The following MTUS1 variants were observed in gnomAD, a reference collection of about 807,000 sequenced individuals.
MTUS1 encodes the protein microtubule-associated tumor suppressor 1.
In MTUS1, 109 loss-of-function variants were observed where a neutral mutation model predicts 120.8. The observed-to-expected ratio is 0.90, with a 90% CI of 0.77 to 1.06. MTUS1 has a LOEUF of 1.06. Ranked by LOEUF, MTUS1 falls within the 50% of genes least tolerant of loss-of-function variation. MTUS1 has a pLI of 0.00. For synonymous variants in MTUS1, 737 were observed against 550.5 expected (o/e 1.34, Z -4.74); for missense variants, 2,210 against 1,486.3 (o/e 1.49, Z -8.01).
chr8:17,784,203 A>G (rs10107122), intron 1 of MTUS1, among the ~76,000 whole-genome samples: 107,233 of 151,624 alleles, frequency 0.71, 39,934 homozygotes, highest in Non-Finnish European at 0.85. Context: ...CTGAATCCAC[A>G]TTTACAGTTG....
intron 8 of MTUS1, among the ~76,000 whole-genome samples, chr8:17,671,073 G>A (rs1811919299): frequency 6.6e-6 from 1 of 152,024 alleles, no homozygotes; most frequent in South Asian, 2.1e-4. Flanking sequence ...TAGGTTTTAG[G>A]AGTATATGTC....
At chr8:17,763,097 T>C (rs1255484263) in intron 1 of MTUS1, among the ~76,000 whole-genome samples, 2 of 151,854 alleles carry the variant, frequency 1.3e-5, no homozygotes, top group African/African-American at 2.4e-5. Context: ...GTTCAAACAA[T>C]TCTCTGCCTC....
At chr8:17,667,659 C>A (rs1040873786) in intron 8 of MTUS1, among the ~76,000 whole-genome samples, 1 of 152,164 alleles carries the variant, frequency 6.6e-6, no homozygotes, top group South Asian at 2.1e-4. Context: ...TGCAAACGAG[C>A]GTTTATTTCA....
intron 3 of MTUS1, 123 bp from the exon 4 acceptor site, chr8:17,723,956 C>G: frequency 1.3e-6 from 1 of 743,674 alleles, no homozygotes; most frequent in South Asian, 1.9e-5. Context: ...TGAATGTTCA[C>G]AATCATGTAA....
chr8:17,727,026 C>G (rs938432945), intron 3 of MTUS1, among the ~76,000 whole-genome samples: 1 of 152,278 alleles, frequency 6.6e-6, no homozygotes, highest in South Asian at 2.1e-4. Flanking sequence ...CACAGCTGCA[C>G]TAGAGGAAAG....
intron 3 of MTUS1, 111 bp from the exon 4 acceptor site, chr8:17,723,944 A>G (rs1018576170): frequency 1.2e-6 from 1 of 804,166 alleles, no homozygotes; most frequent in Non-Finnish European, 2.0e-6. Flanking sequence ...CAAAACACAA[A>G]ATGAATGTTC....
intron 8 of MTUS1, among the ~76,000 whole-genome samples, chr8:17,659,614 C>A (rs1809230359): frequency 6.6e-6 from 1 of 152,146 alleles, no homozygotes; most frequent in African/African-American, 2.4e-5. Flanking sequence ...AGGAGAATCG[C>A]TTGAACCCGG....
intron 2 of MTUS1, 25 bp from the exon 3 acceptor site, chr8:17,743,824 T>C (rs1190246902): frequency 6.3e-7 from 1 of 1,595,964 alleles, no homozygotes. Flanking sequence ...GTTAAGACTG[T>C]AAACCAAAAC....
chr8:17,786,285 T>A (rs1261052488), intron 1 of MTUS1, among the ~76,000 whole-genome samples: 2 of 152,092 alleles, frequency 1.3e-5, no homozygotes, highest in African/African-American at 2.4e-5. Context: ...ATGAGTTACT[T>A]CCGTAGAGAC....
At chr8:17,660,092 G>A (rs947708035) in intron 8 of MTUS1, among the ~76,000 whole-genome samples, 1 of 152,078 alleles carries the variant, frequency 6.6e-6, no homozygotes, top group Non-Finnish European at 1.5e-5. Flanking sequence ...TCCATTGTTG[G>A]CCGGGTGCAG....
In MTUS1 at chr8:17,654,559, G is replaced by A; in HGVS notation, c.3214+2C>T. The A allele has an allele frequency of 6.3e-7, 1 of 1,588,394 alleles. No individual in the cohort carries two copies. The highest frequency in any genetic ancestry group is 2.2e-5 in the East Asian group (1 of 44,768). Reference sequence around the variant, plus strand: ...TTTAAAGAGGAAAAAAAGCATCCTTGCCTGAAAGGGAGGCTTCATAGGCCT... The same window carrying A: ...TTTAAAGAGGAAAAAAAGCATCCTTACCTGAAAGGGAGGCTTCATAGGCCT... On this transcript the variant is annotated splice_donor_variant, in intron 10 of 14. Coordinates refer to ENST00000693296, the MANE Select transcript of MTUS1 (RefSeq NM_001363059.2). LOFTEE classifies it low-confidence loss of function (GC_TO_GT_DONOR).
chr8:17,649,639 T>C (rs1430660962), intron 13 of MTUS1, among the ~76,000 whole-genome samples: 1 of 152,222 alleles, frequency 6.6e-6, no homozygotes, highest in Non-Finnish European at 1.5e-5. Flanking sequence ...CTGTTTTACA[T>C]GTTCCTTGAA....
At position 17,755,582 on chromosome 8, in the gene MTUS1, CCTGA is replaced by C. The variant is rs765598768; in HGVS notation, c.222_225del (p.Gln75ValfsTer20). Reference sequence around the variant, plus strand: ...TTTTCATGACCAAATACTTCAACACCCTGAAGGCTTAAAGAAATATTTTCACCAG... The same window carrying C: ...TTTTCATGACCAAATACTTCAACACCAGGCTTAAAGAAATATTTTCACCAG... On this transcript the variant is annotated frameshift_variant, in exon 2 of 15. Coordinates refer to ENST00000693296, the MANE Select transcript of MTUS1 (RefSeq NM_001363059.2). LOFTEE classifies it high-confidence loss of function. 16 of 1,613,952 alleles carry C rather than the reference CCTGA, an allele frequency of 9.9e-6. No individual in the cohort carries two copies. The Admixed American group carries it at 2.7e-4, about 27-fold the overall frequency.
At chr8:17,701,921 C>T (rs184916443) in intron 6 of MTUS1, among the ~76,000 whole-genome samples, 4 of 152,148 alleles carry the variant, frequency 2.6e-5, no homozygotes, top group African/African-American at 9.7e-5. Context: ...TTAACATAAG[C>T]TTAATAAACT....
chr8:17,657,014 G>A (rs1441286234), intron 8 of MTUS1, among the ~76,000 whole-genome samples: 3 of 138,070 alleles, frequency 2.2e-5, no homozygotes, highest in African/African-American at 8.3e-5. Context: ...AGCCGAGATT[G>A]CGCCACTGCA....
At chr8:17,665,075 T>C (rs1377126007) in intron 8 of MTUS1, among the ~76,000 whole-genome samples, 1 of 152,202 alleles carries the variant, frequency 6.6e-6, no homozygotes, top group Non-Finnish European at 1.5e-5. Flanking sequence ...TTATGCTTTG[T>C]AGAAAGTCTT....
At chr8:17,786,143 AAAAAACAAAC>A (rs1226850914) in intron 1 of MTUS1, among the ~76,000 whole-genome samples, 1 of 152,174 alleles carries the variant, frequency 6.6e-6, no homozygotes, top group Non-Finnish European at 1.5e-5. Flanking sequence ...CCATCTCTGG[AAAAAACAAAC>A]AAAAAAAAGC....
intron 1 of MTUS1, among the ~76,000 whole-genome samples, chr8:17,762,696 T>C (rs141448235): frequency 6.6e-6 from 1 of 152,330 alleles, no homozygotes; most frequent in East Asian, 1.9e-4. Context: ...TTAAATAATT[T>C]AGAAAACAAG....
At chr8:17,660,642 C>T (rs539303476) in intron 8 of MTUS1, among the ~76,000 whole-genome samples, 43 of 152,268 alleles carry the variant, frequency 2.8e-4, no homozygotes, top group African/African-American at 1.0e-3. Flanking sequence ...ATTCTACATT[C>T]CCATCAGCAG....
Sources: gnomAD v4.1 joint callset for allele counts (sites outside exome capture counted in the v4.1 genomes callset) on GRCh38, gnomAD v4.1.1 for gene constraint, MANE v1.5 for transcripts, NCBI Gene and HGNC (gene_info 2026-07-23, HGNC 2026-07-21) for gene names.